Variants in HMOX1 observed in about 807,000 individuals in gnomAD.
HMOX1 encodes the protein heat shock protein, 32-kD.
Under a neutral mutation model 27.8 loss-of-function variants are expected in HMOX1, and 22 were observed. The ratio of observed to expected loss-of-function variants is 0.79; its 90% CI spans 0.57 to 1.13. HMOX1 has a LOEUF of 1.13. HMOX1 is among the 50% of genes most tolerant of loss of function. The pLI is 0.00. For missense variants in HMOX1, 379 were observed against 377.7 expected (o/e 1.00, Z -0.03); for synonymous variants, 153 against 151.6 (o/e 1.01, Z -0.07).
rs1931684048 is a variant in HMOX1, at chr22:35,390,370, C to T, written c.736+407C>T. 1.9e-4 allele frequency: 56 copies of T among 293,422 alleles called. 2 individuals are homozygous for T. The highest frequency in any genetic ancestry group is 1.8e-3 in the South Asian group (56 of 31,174). The allele number at this position is 293,422 out of a possible 1,614,324, so 18.2% of individuals were successfully genotyped here. A position where few individuals can be genotyped will look rare whatever the true frequency, so the allele number is the denominator to read the frequency against. On this transcript the variant is annotated intron_variant, in intron 4 of 4. Transcript: ENST00000216117. Reference sequence around the variant, plus strand: ...CCCCGAGTAGCTGGGATTACAGGCGCCCACCACCATGCCTGGCTAATTTTT... The same window carrying T: ...CCCCGAGTAGCTGGGATTACAGGCGTCCACCACCATGCCTGGCTAATTTTT...
At position 35,393,941 on chromosome 22, in the gene HMOX1, C is replaced by T. The variant is rs370298007; in HGVS notation, c.*343C>T. The stretch of plus-strand genomic sequence containing the variant: ...TGAGTTTCAAGTATCCTTGTTGACA[C>T]GGCCATGACCACTTTCCCCGTGGGC... On this transcript the variant is annotated 3_prime_UTR_variant, in exon 5 of 5. Coordinates refer to ENST00000216117, the MANE Select transcript of HMOX1 (RefSeq NM_002133.3). 59 of 356,724 alleles carry T rather than the reference C, an allele frequency of 1.7e-4. No individual in the cohort carries two copies. The highest frequency in any genetic ancestry group is 9.3e-4 in the African/African-American group (44 of 47,440). The allele number at this position is 356,724 out of a possible 1,614,324, so 22.1% of individuals were successfully genotyped here. A position where few individuals can be genotyped will look rare whatever the true frequency, so the allele number is the denominator to read the frequency against.
Position 35,393,573 on chromosome 22 carries a change from T to A in HMOX1, c.842T>A (p.Val281Asp). 6.2e-7 allele frequency: 1 copy of A among 1,614,240 alleles called. No individual in the cohort carries two copies. The highest frequency in any genetic ancestry group is 8.5e-7 in the Non-Finnish European group (1 of 1,180,044). Residue 281 changes from valine to aspartate, a missense_variant, in exon 5 of 5, where the codon GTT (valine) becomes GAT (aspartate). Val to Asp is a radical substitution (Grantham distance 152). Coordinates refer to ENST00000216117, the MANE Select transcript of HMOX1 (RefSeq NM_002133.3). ...VLTLSFLVAT[V>D]AVGLYAM is the part of the protein sequence containing the mutation. ...ACACTCAGCTTTCTGGTGGCGACAG[T>A]TGCTGTAGGGCTTTATGCCATGTGA...
At chr22:35,390,142 T>G (rs1931677107) in intron 4 of HMOX1, 179 bp downstream of exon 4, 4 of 645,558 alleles carry the variant, frequency 6.2e-6, no homozygotes, top group Admixed American at 4.5e-5. Flanking sequence ...CCCAGGCCAG[T>G]CTTGAACACC....
At chr22:35,387,617 ACT>A (rs1388434966) in intron 3 of HMOX1, among the ~76,000 whole-genome samples, 2 of 152,112 alleles carry the variant, frequency 1.3e-5, no homozygotes, top group Non-Finnish European at 2.9e-5. Flanking sequence ...CCTTCCAGGG[ACT>A]CTCAGCCTAG....
chr22:35,391,586 C>CTTTTTTTTT (rs56153278), intron 4 of HMOX1, among the ~76,000 whole-genome samples: 2 of 89,008 alleles, frequency 2.2e-5, no homozygotes, highest in African/African-American at 5.6e-5. Flanking sequence ...CGCGCCCGGC[C>CTTTTTTTTT]TTTTTTTTTT....
At chr22:35,390,591 G>A (rs1252887371) in intron 4 of HMOX1, among the ~76,000 whole-genome samples, 3 of 152,106 alleles carry the variant, frequency 2.0e-5, no homozygotes, top group African/African-American at 7.2e-5. Context: ...AACCTTCAGC[G>A]TGTGGCTCTG....
Position 35,386,831 on chromosome 22 carries a change from C to G in HMOX1, c.291C>G (p.Tyr97Ter). ...TGGAGCAGGACCTGGCCTTCTGGTA[C>G]GGGCCCCGCTGGCAGGAGGTCATCC... Reference protein sequence around the residue: ...AALEQDLAFWYGPRWQEVIPY... With the variant: ...AALEQDLAFW The change falls in exon 3 of 5, where the codon TAC (tyrosine) becomes TAG (stop). Residue 97 changes from tyrosine (Y) to a stop codon, truncating the protein, a stop_gained. Coordinates refer to ENST00000216117, the MANE Select transcript of HMOX1 (RefSeq NM_002133.3). LOFTEE classifies it high-confidence loss of function. The G allele has an allele frequency of 6.2e-7, 1 of 1,614,182 alleles. No homozygotes were observed. Among genetic ancestry groups the G allele is most frequent in the Non-Finnish European group, 8.5e-7 (1 of 1,180,030 alleles).
Position 35,393,524 on chromosome 22 carries a change from G to T in HMOX1, c.793G>T (p.Ala265Ser), listed in dbSNP as rs1569059349. ...GCCCCCACTCAACACCCGCTCCCAGGCTCCGCTTCTCCGATGGGTCCTTAC... is the reference window on the plus strand; with the variant it reads ...GCCCCCACTCAACACCCGCTCCCAGTCTCCGCTTCTCCGATGGGTCCTTAC... ...GKPPLNTRSQ[A>S]PLLRWVLTLS... Residue 265 changes from alanine (A) to serine (S), a missense_variant, in exon 5 of 5, where the codon GCT becomes TCT. Physicochemically the swap from Ala to Ser is moderately conservative, Grantham distance 99. Transcript: ENST00000216117. 1.2e-6 allele frequency: 2 copies of T among 1,614,208 alleles called. No individual in the cohort carries two copies. Among genetic ancestry groups the T allele is most frequent in the Middle Eastern group, 1.6e-4 (1 of 6,062 alleles).
At chr22:35,392,117 G>C (rs987400461) in intron 4 of HMOX1, among the ~76,000 whole-genome samples, 1 of 151,190 alleles carries the variant, frequency 6.6e-6, no homozygotes, top group Non-Finnish European at 1.5e-5. Context: ...CCAGCTACTC[G>C]GGAGGCTGAG....
chr22:35,389,247 C>CT lies in HMOX1; in HGVS notation c.637-613dup, dbSNP rs1353013008. Among the ~76,000 whole-genome samples, 325 of 119,604 alleles carry CT rather than the reference C, an allele frequency of 2.7e-3. 10 individuals are homozygous for CT. Among genetic ancestry groups the CT allele is most frequent in the Non-Finnish European group, 3.9e-3 (242 of 61,424 alleles). The allele number at this position is 119,604 out of a possible 152,430, so 78.5% of individuals were successfully genotyped here. A position where few individuals can be genotyped will look rare whatever the true frequency, so the allele number is the denominator to read the frequency against. ...TTTCTTTCTTTCTTTCTTTTTCTTT[C>CT]TTTTCTCTCTCTCTCTCTCTCTCTC... On this transcript the variant is annotated intron_variant, in intron 3 of 4. Coordinates refer to ENST00000216117, the MANE Select transcript of HMOX1 (RefSeq NM_002133.3).
chr22:35,389,860 T>G lies in HMOX1; in HGVS notation c.637-4T>G. On this transcript the variant is annotated splice_polypyrimidine_tract_variant and splice_region_variant and intron_variant, in intron 3 of 4. Transcript: ENST00000216117. ...GATAGGCATGTGTGTCTTTTGTCTT[T>G]TAGCTCTTTGAGGAGTTGCAGGAGC... 1.2e-6 allele frequency: 2 copies of G among 1,600,254 alleles called. No individual in the cohort carries two copies. The highest frequency in any genetic ancestry group is 1.7e-6 in the Non-Finnish European group (2 of 1,173,316).
intron 1 of HMOX1, among the ~76,000 whole-genome samples, chr22:35,381,838 C>G (rs1304355750): frequency 6.6e-6 from 1 of 151,954 alleles, no homozygotes; most frequent in Non-Finnish European, 1.5e-5. Context: ...CTGGGACTTA[C>G]AGACATGTGC....
In HMOX1 at chr22:35,387,004, T is replaced by C; in HGVS notation, c.464T>C (p.Leu155Pro). ...CTCAAAAAGATTGCCCAGAAAGCCC[T>C]GGACCTGCCCAGCTCTGGCGAGGGC... The part of the protein sequence containing the change: ...QVLKKIAQKA[L>P]DLPSSGEGLA... Residue 155 changes from leucine to proline, a missense_variant, in exon 3 of 5, where the codon CTG (leucine) becomes CCG (proline). By Grantham distance (98) the Leu-to-Pro change is moderately conservative. Coordinates refer to ENST00000216117, the MANE Select transcript of HMOX1 (RefSeq NM_002133.3). The C allele has an allele frequency of 6.2e-7, 1 of 1,613,894 alleles. No individual in the cohort carries two copies.
At chr22:35,392,230 A>AC (rs1471340036) in intron 4 of HMOX1, among the ~76,000 whole-genome samples, 1 of 151,728 alleles carries the variant, frequency 6.6e-6, no homozygotes, top group Non-Finnish European at 1.5e-5. Flanking sequence ...TCAAAAAAAA[A>AC]AAAAAAAGAA....
In HMOX1 at chr22:35,390,006, G is replaced by GGCCCA; in HGVS notation, c.736+44_736+45insCCCAG. The GGCCCA allele has an allele frequency of 2.3e-6, 3 of 1,292,324 alleles. No individual in the cohort carries two copies. In the African/African-American group the frequency reaches 4.3e-5, roughly 19 times the overall value. 80.1% of individuals were successfully genotyped at this position (1,292,324 alleles called of 1,614,324 possible). A position where few individuals can be genotyped will look rare whatever the true frequency, so the allele number is the denominator to read the frequency against. ...GGGGCACTTCCTCTGGGCTACACAT[G>GGCCCA]GAGGGACTTGGCTGTCTGACTGTAG... is the stretch of plus-strand genomic sequence containing the variant. On this transcript the variant is annotated intron_variant, in intron 4 of 4. Coordinates refer to ENST00000216117, the MANE Select transcript of HMOX1 (RefSeq NM_002133.3).
Position 35,386,685 on chromosome 22 carries a change from C to A in HMOX1, c.145C>A (p.Leu49Met). Residue 49 changes from leucine to methionine, a missense_variant and splice_region_variant, in exon 3 of 5, where the codon CTG becomes ATG. Coordinates refer to ENST00000216117, the MANE Select transcript of HMOX1 (RefSeq NM_002133.3). Reference sequence around the variant, plus strand: ...CCTGACCTGCTCACTCTGCTTTCAGCTGGTGATGGCCTCCCTGTACCACAT... The same window carrying A: ...CCTGACCTGCTCACTCTGCTTTCAGATGGTGATGGCCTCCCTGTACCACAT... ...KGQVTRDGFK[L>M]VMASLYHIYV... 1.2e-6 allele frequency: 2 copies of A among 1,614,130 alleles called. No homozygotes were observed. Among genetic ancestry groups the A allele is most frequent in the Non-Finnish European group, 1.7e-6 (2 of 1,180,010 alleles).
intron 3 of HMOX1, among the ~76,000 whole-genome samples, chr22:35,387,582 C>T (rs1310371945): frequency 6.6e-6 from 1 of 152,140 alleles, no homozygotes; most frequent in Non-Finnish European, 1.5e-5. Flanking sequence ...CAGGTTGGCA[C>T]TCCCAGGGTT....
intron 3 of HMOX1, among the ~76,000 whole-genome samples, chr22:35,389,441 TTTCTTTCTTTTC>T (rs1931654193): frequency 2.6e-5 from 3 of 116,652 alleles, no homozygotes; most frequent in South Asian, 2.5e-4. Context: ...TCTTTCTTTC[TTTCTTTCTTTTC>T]TTTCTTTCTT....
intron 3 of HMOX1, among the ~76,000 whole-genome samples, chr22:35,389,323 T>TTTC (rs367578452): frequency 0.02 from 2,213 of 108,584 alleles, 176 homozygotes; most frequent in Non-Finnish European, 0.024. Context: ...TTCTTTCTTC[T>TTTC]TTCTTTCTTT....
Sources: gnomAD v4.1 joint callset for allele counts (sites outside exome capture counted in the v4.1 genomes callset) on GRCh38, gnomAD v4.1.1 for gene constraint, MANE v1.5 for transcripts, NCBI Gene and HGNC (gene_info 2026-07-23, HGNC 2026-07-21) for gene names.